Variants in EPHA6 observed in about 807,000 individuals in gnomAD.
The protein encoded by EPHA6 is EPH receptor A6.
A neutral mutation model predicts 112.0 loss-of-function variants in EPHA6; 50 were observed. The observed-to-expected ratio is 0.45, with a 90% confidence interval of 0.36 to 0.56. EPHA6 has a LOEUF of 0.56. Among genes scored for constraint, EPHA6 ranks in the 20% least tolerant of loss-of-function variants. The pLI is 0.00. For missense variants in EPHA6, 1,280 were observed against 1,417.4 expected (o/e 0.90, Z 1.56); for synonymous variants, 529 against 490.7 (o/e 1.08, Z -1.03).
intron 14 of EPHA6, among the ~76,000 whole-genome samples, chr3:97,686,366 T>G (rs1412013263): frequency 6.6e-6 from 1 of 152,118 alleles, no homozygotes; most frequent in East Asian, 1.9e-4. Context: ...TCACAAAAAT[T>G]TATTGCATTC....
At chr3:96,851,538 A>G (rs2035387785) in intron 1 of EPHA6, among the ~76,000 whole-genome samples, 1 of 152,172 alleles carries the variant, frequency 6.6e-6, no homozygotes, top group African/African-American at 2.4e-5. Context: ...TAAACATATG[A>G]AACAGTCTTT....
At chr3:97,330,855 A>G (rs1223117534) in intron 5 of EPHA6, among the ~76,000 whole-genome samples, 1 of 152,114 alleles carries the variant, frequency 6.6e-6, no homozygotes, top group African/African-American at 2.4e-5. Flanking sequence ...AAAGTTAACA[A>G]GGATATCCGG....
intron 14 of EPHA6, among the ~76,000 whole-genome samples, chr3:97,699,285 C>T (rs1000593875): frequency 6.6e-6 from 1 of 152,056 alleles, no homozygotes; most frequent in Admixed American, 6.6e-5. Context: ...TTTTGAAATT[C>T]AAAAATGTTT....
At chr3:96,827,447 A>T (rs555879995) in intron 1 of EPHA6, among the ~76,000 whole-genome samples, 1 of 152,168 alleles carries the variant, frequency 6.6e-6, no homozygotes, top group South Asian at 2.1e-4. Context: ...ACACTTGCCC[A>T]TCCTATTTAA....
chr3:97,311,435 T>C (rs1241177758), intron 5 of EPHA6, among the ~76,000 whole-genome samples: 1 of 137,850 alleles, frequency 7.3e-6, no homozygotes, highest in Non-Finnish European at 1.5e-5. Context: ...TCATTTGGAT[T>C]ACACTTTCAC....
rs533316914 is a variant in EPHA6 at position 97,598,179 on chromosome 3, C to T, written c.2512+5442C>T. Among the ~76,000 whole-genome samples, 146 of 148,676 alleles carry T rather than the reference C, an allele frequency of 9.8e-4. 1 individual carries two copies. The highest frequency in any genetic ancestry group is 3.4e-3 in the African/African-American group (136 of 40,500). ...ATTTATTTATTTTTTTTGGAGACAC[C>T]TGTTTGTTTATTTTTGCCACTAATC... On this transcript the variant is annotated intron_variant, in intron 12 of 17. Coordinates refer to ENST00000389672, the MANE Select transcript of EPHA6 (RefSeq NM_001080448.3).
At chr3:96,930,418 A>G (rs150947616) in intron 2 of EPHA6, among the ~76,000 whole-genome samples, 130 of 151,900 alleles carry the variant, frequency 8.6e-4, no homozygotes, top group African/African-American at 3.0e-3. Flanking sequence ...TTTTCTGTTT[A>G]TTTGTTTTTC....
chr3:96,957,439 T>C (rs1576166453), intron 2 of EPHA6, among the ~76,000 whole-genome samples: 2 of 152,224 alleles, frequency 1.3e-5, no homozygotes, highest in African/African-American at 4.8e-5. Flanking sequence ...GAAGCAAGCT[T>C]TACTTAGTTT....
At chr3:96,875,721 A>T (rs1323575545) in intron 2 of EPHA6, among the ~76,000 whole-genome samples, 8 of 151,936 alleles carry the variant, frequency 5.3e-5, no homozygotes, top group Non-Finnish European at 1.0e-4. Flanking sequence ...AAATATGTAG[A>T]TGTATAATAC....
intron 5 of EPHA6, among the ~76,000 whole-genome samples, chr3:97,338,794 GAT>G (rs749131235): frequency 1.6e-4 from 25 of 152,166 alleles, no homozygotes; most frequent in Non-Finnish European, 3.5e-4. Flanking sequence ...GGTTGCAAGT[GAT>G]AGAGATGCCA....
At chr3:97,413,924 G>A (rs1194843314) in intron 6 of EPHA6, among the ~76,000 whole-genome samples, 1 of 151,628 alleles carries the variant, frequency 6.6e-6, no homozygotes, top group Non-Finnish European at 1.5e-5. Flanking sequence ...CCAAAGAGTT[G>A]ACCGAGTCAT....
At chr3:97,548,928 G>A (rs1459387877) in intron 11 of EPHA6, among the ~76,000 whole-genome samples, 3 of 152,144 alleles carry the variant, frequency 2.0e-5, no homozygotes, top group South Asian at 2.1e-4. Flanking sequence ...AATGGAGCTG[G>A]AAAACTCCTA....
At chr3:97,481,939 A>G (rs565696915) in intron 9 of EPHA6, among the ~76,000 whole-genome samples, 2 of 152,326 alleles carry the variant, frequency 1.3e-5, no homozygotes, top group African/African-American at 2.4e-5. Context: ...CTGTTTTCCA[A>G]GAGGTAGGTT....
intron 3 of EPHA6, among the ~76,000 whole-genome samples, chr3:97,210,564 C>A (rs976833835): frequency 2.6e-5 from 4 of 152,132 alleles, no homozygotes; most frequent in South Asian, 4.1e-4. Flanking sequence ...TGATTCACTC[C>A]ATCACTTCCC....
At chr3:97,497,193 G>A (rs949181801) in intron 10 of EPHA6, among the ~76,000 whole-genome samples, 8 of 152,194 alleles carry the variant, frequency 5.3e-5, no homozygotes, top group African/African-American at 1.9e-4. Flanking sequence ...TCTGGTCAAA[G>A]TAAAAGCCTG....
intron 5 of EPHA6, among the ~76,000 whole-genome samples, chr3:97,366,298 A>G (rs1222319668): frequency 6.6e-6 from 1 of 152,184 alleles, no homozygotes; most frequent in Non-Finnish European, 1.5e-5. Context: ...GAACACTTTA[A>G]TTAATTAATT....
intron 3 of EPHA6, among the ~76,000 whole-genome samples, chr3:97,074,845 A>G (rs943472245): frequency 6.6e-6 from 1 of 152,048 alleles, no homozygotes; most frequent in African/African-American, 2.4e-5. Flanking sequence ...AGTTACTCAT[A>G]TCAAATGAAA....
intron 10 of EPHA6, among the ~76,000 whole-genome samples, chr3:97,523,922 A>T (rs574861818): frequency 2.0e-5 from 3 of 151,926 alleles, no homozygotes; most frequent in Non-Finnish European, 2.9e-5. Flanking sequence ...AATCACTCCC[A>T]TGCTCTATTG....
chr3:97,360,681 T>A (rs981797392), intron 5 of EPHA6, among the ~76,000 whole-genome samples: 1 of 152,178 alleles, frequency 6.6e-6, no homozygotes, highest in Non-Finnish European at 1.5e-5. Context: ...TTATTTAACT[T>A]AAACCACGTT....
Sources: allele counts gnomAD v4.1 joint callset (sites outside exome capture counted in the v4.1 genomes callset), GRCh38; gene constraint gnomAD v4.1.1; transcripts MANE v1.5; gene names NCBI Gene and HGNC (gene_info 2026-07-23, HGNC 2026-07-21).